TSHZ2: variants seen among roughly 807,000 people sequenced by gnomAD.
TSHZ2 encodes teashirt zinc finger homeobox 2, also known as teashirt homolog 2.
A neutral mutation model predicts 74.4 loss-of-function variants in TSHZ2; 21 were observed. The observed-to-expected ratio is 0.28, with a 90% confidence interval of 0.20 to 0.41. The LOEUF (loss-of-function observed/expected upper bound fraction) is 0.41. TSHZ2 is among the 10% of genes least tolerant of loss of function. The probability of loss-of-function intolerance (pLI) is 1.00; values close to 1 mark genes in which losing one functional copy is unlikely to be tolerated. For synonymous variants in TSHZ2, 540 were observed against 515.3 expected (o/e 1.05, Z -0.65); for missense variants, 1,244 against 1,293.5 (o/e 0.96, Z 0.59).
chr20:53,156,740 T>C (rs1266451223), intron 1 of TSHZ2, among the ~76,000 whole-genome samples: 1 of 152,280 alleles, frequency 6.6e-6, no homozygotes, highest in Admixed American at 6.5e-5. Context: ...TGTCGTGATT[T>C]CTACACTGTG....
At chr20:53,042,837 C>T (rs370583423) in intron 1 of TSHZ2, among the ~76,000 whole-genome samples, 4 of 152,076 alleles carry the variant, frequency 2.6e-5, no homozygotes, top group African/African-American at 9.7e-5. Context: ...CCAGCAATTC[C>T]ACTAGAAATG....
intron 1 of TSHZ2, among the ~76,000 whole-genome samples, chr20:53,042,300 T>C (rs769494325): frequency 2.0e-5 from 3 of 152,210 alleles, no homozygotes; most frequent in Non-Finnish European, 4.4e-5. Context: ...TACTGAATCA[T>C]CTGGCAACAC....
At chr20:53,481,314 G>A (rs1418320283) in intron 2 of TSHZ2, among the ~76,000 whole-genome samples, 2 of 152,160 alleles carry the variant, frequency 1.3e-5, no homozygotes, top group Non-Finnish European at 2.9e-5. Context: ...CCTCATGCCT[G>A]TAATCCCAAC....
intron 2 of TSHZ2, among the ~76,000 whole-genome samples, chr20:53,305,974 T>TG (rs1555848612): frequency 5.7e-5 from 7 of 121,990 alleles, no homozygotes; most frequent in South Asian, 3.0e-4. Context: ...CAAGACTCTG[T>TG]GAAAAAAAAA....
chr20:53,016,973 C>T (rs1001860307), intron 1 of TSHZ2, among the ~76,000 whole-genome samples: 2 of 152,264 alleles, frequency 1.3e-5, no homozygotes, highest in East Asian at 3.9e-4. Flanking sequence ...GGACGTTATT[C>T]TCTACCATGG....
At chr20:53,361,444 G>T (rs1262095957) in intron 2 of TSHZ2, among the ~76,000 whole-genome samples, 1 of 152,090 alleles carries the variant, frequency 6.6e-6, no homozygotes, top group Non-Finnish European at 1.5e-5. Context: ...CTGTGGAGTG[G>T]GTATAGATCT....
intron 2 of TSHZ2, among the ~76,000 whole-genome samples, chr20:53,417,147 A>G (rs1362935117): frequency 1.3e-5 from 2 of 151,914 alleles, no homozygotes; most frequent in Admixed American, 1.3e-4. Flanking sequence ...CCAGTAGAAA[A>G]CCATGACTCT....
chr20:53,378,872 G>T (rs1470234940), intron 2 of TSHZ2, among the ~76,000 whole-genome samples: 1 of 152,114 alleles, frequency 6.6e-6, no homozygotes, highest in Non-Finnish European at 1.5e-5. Context: ...AAAATAATAT[G>T]AGAGATGATA....
intron 2 of TSHZ2, among the ~76,000 whole-genome samples, chr20:53,467,304 T>C (rs1985592201): frequency 1.3e-5 from 2 of 152,254 alleles, no homozygotes; most frequent in African/African-American, 4.8e-5. Flanking sequence ...AAAGAGCTTT[T>C]TGACTTCATT....
intron 2 of TSHZ2, among the ~76,000 whole-genome samples, chr20:53,359,686 G>T (rs1490596167): frequency 6.6e-6 from 1 of 152,208 alleles, no homozygotes; most frequent in East Asian, 1.9e-4. Flanking sequence ...GAGCCATGTG[G>T]TTGGTATGTT....
intron 1 of TSHZ2, among the ~76,000 whole-genome samples, chr20:53,016,434 T>C (rs1405055758): frequency 6.6e-6 from 1 of 152,160 alleles, no homozygotes; most frequent in Non-Finnish European, 1.5e-5. Flanking sequence ...TTGAAAGGGA[T>C]TATTAGCCAA....
intron 1 of TSHZ2, among the ~76,000 whole-genome samples, chr20:53,031,729 T>C (rs1334656883): frequency 1.3e-5 from 2 of 152,238 alleles, no homozygotes; most frequent in East Asian, 3.8e-4. Flanking sequence ...TGATATGGTA[T>C]AGATTTTTCT....
chr20:53,220,641 G>T (rs1989532976), intron 1 of TSHZ2, among the ~76,000 whole-genome samples: 1 of 152,162 alleles, frequency 6.6e-6, no homozygotes, highest in Non-Finnish European at 1.5e-5. Flanking sequence ...GTACCACAAA[G>T]CCTCAAATGT....
chr20:53,055,255 T>G (rs530786238), intron 1 of TSHZ2, among the ~76,000 whole-genome samples: 2 of 152,336 alleles, frequency 1.3e-5, no homozygotes, highest in South Asian at 4.1e-4. Context: ...TTCTTGAGTG[T>G]TAAGTGTGCA....
chr20:53,257,446 T>C lies in TSHZ2; in HGVS notation c.*8+875T>C, dbSNP rs143936633. Among the ~76,000 whole-genome samples, 586 of 152,294 alleles carry C rather than the reference T, an allele frequency of 3.8e-3. 4 individuals are homozygous for C. The highest frequency in any genetic ancestry group is 0.013 in the African/African-American group (559 of 41,558). On this transcript the variant is annotated intron_variant, in intron 2 of 2. Transcript: ENST00000371497. ...TAATGTGCATCATGTGTCATAGAAG[T>C]TCCATGCCTTATATAGTCAACCATG...
intron 1 of TSHZ2, among the ~76,000 whole-genome samples, chr20:53,143,855 C>T (rs952441420): frequency 3.9e-5 from 6 of 152,056 alleles, no homozygotes; most frequent in African/African-American, 9.7e-5. Flanking sequence ...GTTTAATTCA[C>T]GCAGAGCTGG....
chr20:53,159,734 T>C (rs1232371043), intron 1 of TSHZ2, among the ~76,000 whole-genome samples: 1 of 152,230 alleles, frequency 6.6e-6, no homozygotes, highest in Non-Finnish European at 1.5e-5. Flanking sequence ...CTCTTATGAC[T>C]TTATTCTTTC....
At chr20:53,179,587 C>T (rs539232542) in intron 1 of TSHZ2, 1 of 152,248 alleles carries the variant, frequency 6.6e-6, no homozygotes, top group African/African-American at 2.4e-5. Flanking sequence ...GAGTGATAGC[C>T]CATAATTGAC....
chr20:53,378,933 G>A lies in TSHZ2; in HGVS notation c.*9-108211G>A, dbSNP rs76158395. Among the ~76,000 whole-genome samples, 156 of 152,258 alleles carry A rather than the reference G, an allele frequency of 1.0e-3. 2 individuals are homozygous for A. In the East Asian group the frequency reaches 0.011, roughly 11 times the overall value. ...AACAGTAAACAAATTATTCTTTCTC[G>A]GGAAACACTGGAATAAATGTTTCCT... On this transcript the variant is annotated intron_variant, in intron 2 of 2. Transcript: ENST00000371497.
Sources: gnomAD v4.1 joint callset for allele counts (sites outside exome capture counted in the v4.1 genomes callset) on GRCh38, gnomAD v4.1.1 for gene constraint, MANE v1.5 for transcripts, NCBI Gene and HGNC (gene_info 2026-07-23, HGNC 2026-07-21) for gene names.